Variants in NTN1 observed in about 807,000 individuals in gnomAD.
The protein encoded by NTN1 is netrin-1.
In NTN1, 11 loss-of-function variants were observed where a neutral mutation model predicts 54.2. The observed-to-expected ratio is 0.20, with a 90% confidence interval of 0.13 to 0.34. The LOEUF is 0.34. NTN1 is among the 10% of genes least tolerant of loss of function. The probability of loss-of-function intolerance (pLI) is 1.00; values close to 1 mark genes in which losing one functional copy is unlikely to be tolerated. For synonymous variants in NTN1, 371 were observed against 382.0 expected (o/e 0.97, Z 0.33); for missense variants, 740 against 893.1 (o/e 0.83, Z 2.18).
intron 2 of NTN1, among the ~76,000 whole-genome samples, chr17:9,059,439 G>T (rs943838335): frequency 6.6e-6 from 1 of 152,152 alleles, no homozygotes; most frequent in African/African-American, 2.4e-5. Flanking sequence ...CAAATGAATG[G>T]ATAAACAAAA....
intron 2 of NTN1, among the ~76,000 whole-genome samples, chr17:9,092,865 TCTC>T: frequency 1.3e-5 from 2 of 152,200 alleles, no homozygotes; most frequent in South Asian, 4.1e-4. Flanking sequence ...TTCACGCCAT[TCTC>T]CTGCCTCAGC....
At chr17:9,229,779 C>T (rs546555976) in intron 6 of NTN1, among the ~76,000 whole-genome samples, 125 of 152,190 alleles carry the variant, frequency 8.2e-4, no homozygotes, top group Non-Finnish European at 1.5e-3. Flanking sequence ...GCTGTGTGTT[C>T]GAGGAAGCTT....
rs1190679513 is a variant in NTN1 at position 9,212,303 on chromosome 17, G to A, written c.1412-8865G>A. Reference sequence around the variant, plus strand: ...CACCTGCAGCCTAGGACCAAGAGGTGAGAGCCAGCTTCCTGGGGAGTGTGT... The same window carrying A: ...CACCTGCAGCCTAGGACCAAGAGGTAAGAGCCAGCTTCCTGGGGAGTGTGT... On this transcript the variant is annotated intron_variant, in intron 5 of 6. Coordinates refer to ENST00000173229, the MANE Select transcript of NTN1 (RefSeq NM_004822.3). This position sits in a 1 kb window ranked among gnomAD's most constrained non-coding sequence, Gnocchi z 5.5. Among the ~76,000 whole-genome samples, 1 of 152,198 alleles carries A rather than the reference G, an allele frequency of 6.6e-6. No homozygotes were observed. Among genetic ancestry groups the A allele is most frequent in the Non-Finnish European group, 1.5e-5 (1 of 68,030 alleles).
rs141209043 is a variant in NTN1 at position 9,210,962 on chromosome 17, GTTTC to G, written c.1412-10196_1412-10193del. ...AGCCTCACCTTAGACTATTTTTAGT[GTTTC>G]TTTCTTTCTAACACAAGAATTGTAT... On this transcript the variant is annotated intron_variant, in intron 5 of 6. Coordinates refer to ENST00000173229, the MANE Select transcript of NTN1 (RefSeq NM_004822.3). Among the ~76,000 whole-genome samples, 861 of 125,272 alleles carry G rather than the reference GTTTC, an allele frequency of 6.9e-3. 15 individuals are homozygous for G. The highest frequency in any genetic ancestry group is 0.024 in the African/African-American group (809 of 33,768). 82.2% of individuals were successfully genotyped at this position (125,272 alleles called of 152,430 possible). A position where few individuals can be genotyped will look rare whatever the true frequency, so the allele number is the denominator to read the frequency against.
At chr17:9,043,212 T>C (rs2091928472) in intron 2 of NTN1, among the ~76,000 whole-genome samples, 1 of 152,232 alleles carries the variant, frequency 6.6e-6, no homozygotes, top group Non-Finnish European at 1.5e-5. Context: ...GCAAACATTT[T>C]TTCTCACTCT....
rs758906358 is a variant in NTN1 at position 9,239,988 on chromosome 17, C to CGGGG, written c.*23_*24insGGGG. On this transcript the variant is annotated 3_prime_UTR_variant, in exon 7 of 7. Coordinates refer to ENST00000173229, the MANE Select transcript of NTN1 (RefSeq NM_004822.3). This position sits in a 1 kb window ranked among gnomAD's most constrained non-coding sequence, Gnocchi z 5.2. ...GCCTAGCGCCGAGGCAGCGGGCGGGCGGGCGGGCGGGCGCCAGGGCGGGGC... is the reference window on the plus strand; with the variant it reads ...GCCTAGCGCCGAGGCAGCGGGCGGGCGGGGGGGCGGGCGGGCGCCAGGGCGGGGC... 1.8e-4 allele frequency: 1 copy of CGGGG among 5,684 alleles called. No individual in the cohort carries two copies. Among genetic ancestry groups the CGGGG allele is most frequent in the Non-Finnish European group, 3.5e-4 (1 of 2,884 alleles). 0.4% of individuals were successfully genotyped at this position (5,684 alleles called of 1,614,324 possible). A position where few individuals can be genotyped will look rare whatever the true frequency, so the allele number is the denominator to read the frequency against.
chr17:9,190,164 A>C (rs1038741814), intron 5 of NTN1, among the ~76,000 whole-genome samples: 1 of 152,248 alleles, frequency 6.6e-6, no homozygotes, highest in African/African-American at 2.4e-5. Context: ...CTAGAATACC[A>C]GTAAAAATAT....
At chr17:9,192,233 C>T (rs1168673791) in intron 5 of NTN1, among the ~76,000 whole-genome samples, 1 of 152,182 alleles carries the variant, frequency 6.6e-6, no homozygotes, top group Non-Finnish European at 1.5e-5. Context: ...ATGAATATTG[C>T]AGCATTGCTT....
At chr17:9,146,377 T>G (rs545666327) in intron 2 of NTN1, among the ~76,000 whole-genome samples, 1 of 152,034 alleles carries the variant, frequency 6.6e-6, no homozygotes, top group East Asian at 1.9e-4. Context: ...TGCCCTGAGC[T>G]CATCTCATTG....
chr17:9,090,337 G>A (rs2092106026), intron 2 of NTN1, among the ~76,000 whole-genome samples: 1 of 151,870 alleles, frequency 6.6e-6, no homozygotes, highest in South Asian at 2.1e-4. Flanking sequence ...CACCATGCCT[G>A]GCTAATTTTT....
At chr17:9,091,863 AAAC>A (rs1266257967) in intron 2 of NTN1, among the ~76,000 whole-genome samples, 1 of 152,110 alleles carries the variant, frequency 6.6e-6, no homozygotes, top group Non-Finnish European at 1.5e-5. Context: ...TATACCCCTG[AAAC>A]AACTTCTTCC....
intron 2 of NTN1, among the ~76,000 whole-genome samples, chr17:9,094,938 G>A (rs1417672053): frequency 1.4e-5 from 2 of 139,662 alleles, no homozygotes; most frequent in Non-Finnish European, 3.0e-5. Flanking sequence ...GCAGTGAGCT[G>A]AGATCATGCC....
chr17:9,122,053 T>C (rs2092233082), intron 2 of NTN1, among the ~76,000 whole-genome samples: 1 of 151,640 alleles, frequency 6.6e-6, no homozygotes, highest in South Asian at 2.1e-4. Flanking sequence ...TTTTTTTTTT[T>C]TTGAGACGGA....
intron 2 of NTN1, among the ~76,000 whole-genome samples, chr17:9,071,894 G>GT (rs2092033149): frequency 6.6e-6 from 1 of 152,220 alleles, no homozygotes; most frequent in Non-Finnish European, 1.5e-5. Flanking sequence ...GTCTGACCAG[G>GT]TGATGGGGGT....
rs533757555 is a variant in NTN1 at position 9,221,153 on chromosome 17, C to T, written c.1412-15C>T. ...AATTAGTTTTTGTCTGTGCTCCCCCCCCACCCCCCTGCAGACTGCGATTCC... is the reference window on the plus strand; with the variant it reads ...AATTAGTTTTTGTCTGTGCTCCCCCTCCACCCCCCTGCAGACTGCGATTCC... On this transcript the variant is annotated splice_polypyrimidine_tract_variant and intron_variant, in intron 5 of 6. Coordinates refer to ENST00000173229, the MANE Select transcript of NTN1 (RefSeq NM_004822.3). This position sits in a 1 kb window ranked among gnomAD's most constrained non-coding sequence, Gnocchi z 4.5. The T allele has an allele frequency of 8.6e-4, 1,338 of 1,553,710 alleles. 33 individuals carry two copies. In the South Asian group the frequency reaches 0.013, roughly 16 times the overall value.
chr17:9,159,661 T>G (rs190822997), intron 2 of NTN1, among the ~76,000 whole-genome samples: 336 of 151,722 alleles, frequency 2.2e-3, no homozygotes, highest in Middle Eastern at 0.01. Context: ...ATTAGCCGGG[T>G]GTGGTGGCAG....
At position 9,177,573 on chromosome 17, in the gene NTN1, A is replaced by G. The variant is rs116916377; in HGVS notation, c.1208-2234A>G. On this transcript the variant is annotated intron_variant, in intron 3 of 6. Coordinates refer to ENST00000173229, the MANE Select transcript of NTN1 (RefSeq NM_004822.3). The stretch of plus-strand genomic sequence containing the variant: ...TGAATCTTAGGATTACCAGCTGGCT[A>G]AGGGAGGTCAGCCGGCCTGAGGCCC... 8 of 152,346 alleles carry G rather than the reference A, an allele frequency of 5.3e-5. No homozygotes were observed. The East Asian group carries it at 1.5e-3, about 29-fold the overall frequency. 9.4% of individuals were successfully genotyped at this position (152,346 alleles called of 1,614,324 possible).
At chr17:9,133,223 G>T (rs1311873063) in intron 2 of NTN1, among the ~76,000 whole-genome samples, 2 of 152,188 alleles carry the variant, frequency 1.3e-5, no homozygotes, top group African/African-American at 4.8e-5. Flanking sequence ...TGCCACCACC[G>T]CCTTGGTCTG....
chr17:9,130,858 C>A (rs956825917), intron 2 of NTN1, among the ~76,000 whole-genome samples: 3 of 152,232 alleles, frequency 2.0e-5, no homozygotes, highest in African/African-American at 4.8e-5. Context: ...GTTGTCCTTA[C>A]CTATCACATG....
Sources: allele counts gnomAD v4.1 joint callset (sites outside exome capture counted in the v4.1 genomes callset), GRCh38; gene constraint gnomAD v4.1.1; non-coding constraint Gnocchi (gnomAD v3.1); transcripts MANE v1.5; gene names NCBI Gene and HGNC (gene_info 2026-07-23, HGNC 2026-07-21).